The following RECQL variants were observed in gnomAD, a reference collection of about 807,000 sequenced individuals.
The protein encoded by RECQL is ATP-dependent DNA helicase Q1.
A neutral mutation model predicts 75.8 loss-of-function variants in RECQL; 73 were observed. The observed-to-expected ratio is 0.96, with a 90% CI of 0.80 to 1.17. The LOEUF is 1.17. Among genes scored for constraint, RECQL ranks in the 50% most tolerant of loss-of-function variants. RECQL has a pLI of 0.00. For missense variants in RECQL, 699 were observed against 772.1 expected, an observed-to-expected ratio of 0.91 and a Z score of 1.12; for synonymous variants, 248 against 254.4, an observed-to-expected ratio of 0.97 and a Z score of 0.24.
chr12:21,489,306 A>G (rs1943364518), intron 4 of RECQL, among the ~76,000 whole-genome samples: 1 of 152,216 alleles, frequency 6.6e-6, no homozygotes, highest in Admixed American at 6.5e-5. Flanking sequence ...GCTGCCAAGG[A>G]GACCATATGG....
In RECQL at chr12:21,471,054, T is replaced by C; in HGVS notation, c.1712A>G (p.Lys571Arg). The change falls in exon 14 of 15, where the codon AAA becomes AGA. Residue 571 changes from lysine (K) to arginine (R), a missense_variant. Transcript: ENST00000444129. ...CAGAAGATTAGCTTTAGGTCCTATT[T>C]TCAAATACGAAATGGTAGCATAAGC... ...FTAYATISYLKIGPKANLLNN... is the reference protein window; with the variant it reads ...FTAYATISYLRIGPKANLLNN... The C allele has an allele frequency of 6.2e-7, 1 of 1,602,500 alleles. No individual in the cohort carries two copies.
At chr12:21,483,633 C>G in intron 5 of RECQL, 59 bp from the exon 6 acceptor site, 1 of 1,228,434 alleles carries the variant, frequency 8.1e-7, no homozygotes, top group Non-Finnish European at 1.1e-6. Flanking sequence ...GACTGAAATA[C>G]TAGGTGGTAA....
At chr12:21,475,894 A>C (rs1433418121) in intron 8 of RECQL, 70 bp from the exon 9 acceptor site, 6 of 1,243,472 alleles carry the variant, frequency 4.8e-6, no homozygotes, top group Non-Finnish European at 7.0e-6. Flanking sequence ...CAACACACAC[A>C]TTCAGGACAT....
intron 1 of RECQL, among the ~76,000 whole-genome samples, chr12:21,500,378 A>G (rs375714269): frequency 6.6e-6 from 1 of 152,134 alleles, no homozygotes; most frequent in Non-Finnish European, 1.5e-5. Context: ...ATAATCCTAA[A>G]AACACCTCTT....
chr12:21,493,312 A>C (rs1943447036), intron 2 of RECQL, among the ~76,000 whole-genome samples: 1 of 152,234 alleles, frequency 6.6e-6, no homozygotes, highest in African/African-American at 2.4e-5. Context: ...TAGAAAAATA[A>C]CTAGAGAAGG....
intron 2 of RECQL, among the ~76,000 whole-genome samples, chr12:21,494,228 C>A (rs370154399): frequency 6.6e-6 from 1 of 152,032 alleles, no homozygotes; most frequent in African/African-American, 2.4e-5. Flanking sequence ...GGGAGGGCAC[C>A]AAACCATTCA....
chr12:21,497,482 T>C (rs976726107), intron 2 of RECQL, among the ~76,000 whole-genome samples: 1 of 152,206 alleles, frequency 6.6e-6, no homozygotes, highest in Admixed American at 6.5e-5. Flanking sequence ...CACATAGTTA[T>C]TCATTTTGCC....
chr12:21,499,704 C>A (rs1000997660), intron 1 of RECQL, 89 bp from the exon 2 acceptor site: 2 of 663,342 alleles, frequency 3.0e-6, no homozygotes, highest in East Asian at 5.6e-5. Context: ...CATTCCTAAG[C>A]ACGGAAAATG....
intron 4 of RECQL, among the ~76,000 whole-genome samples, chr12:21,489,297 C>A (rs1205559483): frequency 2.0e-5 from 3 of 152,180 alleles, no homozygotes; most frequent in African/African-American, 7.2e-5. Context: ...GGTTGAAGAG[C>A]TGCCAAGGAG....
intron 5 of RECQL, among the ~76,000 whole-genome samples, chr12:21,484,640 A>G (rs1361133067): frequency 6.6e-6 from 1 of 152,176 alleles, no homozygotes; most frequent in East Asian, 1.9e-4. Context: ...TCTTACTGCA[A>G]AAGAAAGCAA....
At chr12:21,498,908 T>A (rs1211924977) in intron 2 of RECQL, among the ~76,000 whole-genome samples, 1 of 152,232 alleles carries the variant, frequency 6.6e-6, no homozygotes, top group East Asian at 1.9e-4. Context: ...AAGTCTTTCT[T>A]GCTTTTTAAA....
chr12:21,476,891 T>C lies in RECQL; in HGVS notation c.949+20A>G. ...TTGAAAGTTATCTCTGTCTCCAAAG[T>C]TGGTTTGTTTTTACATTACCTGATT... On this transcript the variant is annotated intron_variant, in intron 8 of 14. Coordinates refer to ENST00000444129, the MANE Select transcript of RECQL (RefSeq NM_002907.4). 1 of 1,549,514 alleles carries C rather than the reference T, an allele frequency of 6.5e-7. No homozygotes were observed. Among genetic ancestry groups the C allele is most frequent in the Non-Finnish European group, 8.8e-7 (1 of 1,133,432 alleles).
rs1565571187 is a variant in RECQL at position 21,486,656 on chromosome 12, C to CCTTTTTTTTTTTTTTTTTTTTTTT, written c.395-72_395-71insAAAAAAAAAAAAAAAAAAAAAAAG. The CCTTTTTTTTTTTTTTTTTTTTTTT allele has an allele frequency of 1.1e-4, 16 of 141,734 alleles. 8 individuals are homozygous for CCTTTTTTTTTTTTTTTTTTTTTTT. The highest frequency in any genetic ancestry group is 3.0e-4 in the Admixed American group (2 of 6,720). The allele number at this position is 141,734 out of a possible 1,614,324, so 8.8% of individuals were successfully genotyped here. On this transcript the variant is annotated intron_variant, in intron 4 of 14. Coordinates refer to ENST00000444129, the MANE Select transcript of RECQL (RefSeq NM_002907.4). Reference sequence around the variant, plus strand: ...CTCAGAATCAGATGCAAACCATTCACGTTTTTTTTTTTTTTTTTTTTTTTT... The same window carrying CCTTTTTTTTTTTTTTTTTTTTTTT: ...CTCAGAATCAGATGCAAACCATTCACCTTTTTTTTTTTTTTTTTTTTTTTGTTTTTTTTTTTTTTTTTTTTTTTT...
chr12:21,496,258 C>T (rs1943507012), intron 2 of RECQL, among the ~76,000 whole-genome samples: 1 of 152,226 alleles, frequency 6.6e-6, no homozygotes, highest in Non-Finnish European at 1.5e-5. Flanking sequence ...GCTCCAACAG[C>T]AGCCATGGTT....
At position 21,475,597 on chromosome 12, in the gene RECQL, T is replaced by C. The variant is rs1429423982; in HGVS notation, c.1099-12A>G. On this transcript the variant is annotated splice_polypyrimidine_tract_variant and intron_variant, in intron 9 of 14. Transcript: ENST00000444129. ...GTTGCCACTACTACCTGAAATATTT[T>C]AACATTTTATCAGTTAATTAAATCA... The C allele has an allele frequency of 6.2e-7, 1 of 1,608,954 alleles. No homozygotes were observed. The highest frequency in any genetic ancestry group is 8.5e-7 in the Non-Finnish European group (1 of 1,176,658).
intron 2 of RECQL, among the ~76,000 whole-genome samples, chr12:21,495,902 T>G (rs1943498980): frequency 6.6e-6 from 1 of 152,218 alleles, no homozygotes; most frequent in Non-Finnish European, 1.5e-5. Context: ...CCTTCTAATC[T>G]GCTGTGTGGT....
chr12:21,495,061 T>A (rs751087783), intron 2 of RECQL, among the ~76,000 whole-genome samples: 1 of 152,172 alleles, frequency 6.6e-6, no homozygotes, highest in Non-Finnish European at 1.5e-5. Context: ...ATAGATTACT[T>A]GATTTGTAAC....
At chr12:21,489,261 T>C (rs1443408306) in intron 4 of RECQL, among the ~76,000 whole-genome samples, 1 of 152,224 alleles carries the variant, frequency 6.6e-6, no homozygotes, top group East Asian at 1.9e-4. Context: ...ACATTATCTG[T>C]GGCTGCTTTT....
intron 2 of RECQL, among the ~76,000 whole-genome samples, chr12:21,494,629 G>C (rs540265725): frequency 8.7e-4 from 133 of 152,268 alleles, no homozygotes; most frequent in Non-Finnish European, 1.4e-3. Context: ...CTAAAGGAAG[G>C]TATTCAGAGG....
Sources: gnomAD v4.1 joint callset for allele counts (sites outside exome capture counted in the v4.1 genomes callset) on GRCh38, gnomAD v4.1.1 for gene constraint, MANE v1.5 for transcripts, NCBI Gene and HGNC (gene_info 2026-07-23, HGNC 2026-07-21) for gene names.